CTNNA3: variants seen among roughly 807,000 people sequenced by gnomAD.
CTNNA3 encodes the protein catenin alpha 3.
Under a neutral mutation model 95.7 loss-of-function variants are expected in CTNNA3, and 76 were observed. The ratio of observed to expected loss-of-function variants is 0.79; its 90% CI spans 0.66 to 0.96. The LOEUF is 0.96. Among genes scored for constraint, CTNNA3 ranks in the 40% least tolerant of loss-of-function variants. The probability of loss-of-function intolerance (pLI) is 0.00; values close to 1 mark genes in which losing one functional copy is unlikely to be tolerated. For synonymous variants in CTNNA3, 431 were observed against 374.4 expected, an observed-to-expected ratio of 1.15 and a Z score of -1.74; for missense variants, 1,191 against 1,089.8, an observed-to-expected ratio of 1.09 and a Z score of -1.31.
chr10:66,414,453 C>T (rs942436543), intron 11 of CTNNA3, among the ~76,000 whole-genome samples: 2 of 152,144 alleles, frequency 1.3e-5, no homozygotes, highest in Non-Finnish European at 2.9e-5. Flanking sequence ...AGATGCTCAG[C>T]AGCCTGCATT....
chr10:67,458,912 C>T (rs1300334950), intron 5 of CTNNA3, among the ~76,000 whole-genome samples: 3 of 152,074 alleles, frequency 2.0e-5, no homozygotes, highest in Non-Finnish European at 2.9e-5. Flanking sequence ...TCCCCAAGAA[C>T]GTGGATTATT....
At chr10:67,580,707 AT>A (rs1398594184) in intron 3 of CTNNA3, among the ~76,000 whole-genome samples, 1 of 144,704 alleles carries the variant, frequency 6.9e-6, no homozygotes, top group African/African-American at 2.6e-5. Flanking sequence ...ATGTTCTTCC[AT>A]TTGTTTGTGT....
At chr10:66,763,575 TGAGAA>T (rs1416235953) in intron 9 of CTNNA3, among the ~76,000 whole-genome samples, 1 of 152,162 alleles carries the variant, frequency 6.6e-6, no homozygotes, top group East Asian at 1.9e-4. Flanking sequence ...AATGAAACCC[TGAGAA>T]GAGTAGTGAC....
chr10:67,019,015 T>A (rs893958179), intron 7 of CTNNA3, among the ~76,000 whole-genome samples: 2 of 152,218 alleles, frequency 1.3e-5, no homozygotes, highest in Non-Finnish European at 2.9e-5. Flanking sequence ...GAGCAGGAAT[T>A]AGATCTTCTG....
chr10:67,487,940 A>T (rs1303379747), intron 5 of CTNNA3, among the ~76,000 whole-genome samples: 2 of 152,236 alleles, frequency 1.3e-5, no homozygotes, highest in Non-Finnish European at 2.9e-5. Flanking sequence ...ATATGAGGAC[A>T]GATGTGAGAG....
intron 5 of CTNNA3, among the ~76,000 whole-genome samples, chr10:67,338,352 A>C (rs1266929684): frequency 6.6e-6 from 1 of 152,086 alleles, no homozygotes; most frequent in Non-Finnish European, 1.5e-5. Context: ...TCAAAGCAAG[A>C]ACTCCCTCAT....
intron 4 of CTNNA3, among the ~76,000 whole-genome samples, chr10:67,538,834 T>C (rs1282478598): frequency 6.6e-6 from 1 of 152,194 alleles, no homozygotes; most frequent in African/African-American, 2.4e-5. Context: ...CCTTTTCATC[T>C]GAACACTACT....
chr10:66,108,635 T>C (rs2133768278), intron 13 of CTNNA3, among the ~76,000 whole-genome samples: 1 of 152,180 alleles, frequency 6.6e-6, no homozygotes, highest in East Asian at 1.9e-4. Flanking sequence ...TGGGTTACAT[T>C]TTTTATTTTA....
At chr10:66,882,345 C>T (rs1844880708) in intron 7 of CTNNA3, among the ~76,000 whole-genome samples, 2 of 152,088 alleles carry the variant, frequency 1.3e-5, no homozygotes, top group African/African-American at 4.8e-5. Context: ...TAATTGCAGA[C>T]ACTCAATACA....
chr10:66,429,801 G>A (rs2093278400), intron 11 of CTNNA3, among the ~76,000 whole-genome samples: 1 of 152,098 alleles, frequency 6.6e-6, no homozygotes. Context: ...ATATCATACT[G>A]AATGGGCAAA....
At chr10:67,116,532 C>T (rs889131672) in intron 7 of CTNNA3, among the ~76,000 whole-genome samples, 1 of 151,528 alleles carries the variant, frequency 6.6e-6, no homozygotes, top group East Asian at 1.9e-4. Context: ...AGAATTTTGC[C>T]TCTCCAAAAT....
At chr10:67,548,508 GA>G (rs1292229634) in intron 3 of CTNNA3, among the ~76,000 whole-genome samples, 3 of 152,088 alleles carry the variant, frequency 2.0e-5, no homozygotes, top group Admixed American at 1.3e-4. Flanking sequence ...TCTTGAAAAA[GA>G]GGGGCAAAGT....
chr10:67,224,497 G>A (rs540681982), intron 5 of CTNNA3, among the ~76,000 whole-genome samples: 7 of 152,112 alleles, frequency 4.6e-5, no homozygotes, highest in Non-Finnish European at 7.3e-5. Flanking sequence ...TGAAGGAAGC[G>A]GACTGCTCCT....
chr10:66,288,354 T>G, intron 12 of CTNNA3, among the ~76,000 whole-genome samples: 1 of 137,388 alleles, frequency 7.3e-6, no homozygotes, highest in East Asian at 2.0e-4. Context: ...TTTAAGATTC[T>G]ACAATAAAAA....
intron 6 of CTNNA3, among the ~76,000 whole-genome samples, chr10:67,198,982 G>A (rs958578957): frequency 6.6e-6 from 1 of 151,862 alleles, no homozygotes; most frequent in Non-Finnish European, 1.5e-5. Context: ...ATAAGGAGGA[G>A]GGGGAGATGG....
At chr10:67,486,650 T>C (rs1008785081) in intron 5 of CTNNA3, among the ~76,000 whole-genome samples, 1 of 152,252 alleles carries the variant, frequency 6.6e-6, no homozygotes, top group South Asian at 2.1e-4. Context: ...AGTAAAGTGA[T>C]TAGCATAACC....
intron 3 of CTNNA3, among the ~76,000 whole-genome samples, chr10:67,589,567 C>T (rs546546576): frequency 5.9e-5 from 9 of 152,222 alleles, no homozygotes; most frequent in African/African-American, 1.7e-4. Context: ...TCATTATAAA[C>T]TCTTATTTCT....
At chr10:67,733,403 T>C (rs1370392298) in intron 1 of CTNNA3, among the ~76,000 whole-genome samples, 1 of 152,242 alleles carries the variant, frequency 6.6e-6, no homozygotes, top group Admixed American at 6.5e-5. Context: ...GAATTCTGGG[T>C]TCCTCAACCT....
chr10:67,000,271 A>T (rs962253502), intron 7 of CTNNA3, among the ~76,000 whole-genome samples: 1 of 152,100 alleles, frequency 6.6e-6, no homozygotes, highest in Non-Finnish European at 1.5e-5. Flanking sequence ...AGATTTCTAA[A>T]CTCCTCTTAC....
Sources: gnomAD v4.1 joint callset for allele counts (sites outside exome capture counted in the v4.1 genomes callset) on GRCh38, gnomAD v4.1.1 for gene constraint, MANE v1.5 for transcripts, NCBI Gene and HGNC (gene_info 2026-07-23, HGNC 2026-07-21) for gene names.